The following CECR2 variants were observed in gnomAD, a reference collection of about 807,000 sequenced individuals.
The protein encoded by CECR2 is CECR2 histone acetyl-lysine reader.
In CECR2, 30 loss-of-function variants were observed where a neutral mutation model predicts 154.5. That is an observed-to-expected ratio of 0.19 (90% CI 0.15 to 0.26). CECR2 has a LOEUF of 0.26. Ranked by LOEUF, CECR2 falls within the 10% of genes least tolerant of loss-of-function variation. The pLI, the probability that CECR2 is intolerant of heterozygous loss-of-function variation, is 1.00. For missense variants in CECR2, 1,743 were observed against 1,829.3 expected, an observed-to-expected ratio of 0.95 and a Z score of 0.86; for synonymous variants, 725 against 683.7, an observed-to-expected ratio of 1.06 and a Z score of -0.94.
intron 7 of CECR2, 116 bp from the exon 8 acceptor site, chr22:17,511,697 C>T (rs534934127): frequency 2.5e-5 from 19 of 756,104 alleles, no homozygotes; most frequent in Admixed American, 2.2e-5. Flanking sequence ...GCCTTTGGCC[C>T]TAACCTGTGT....
At chr22:17,545,781 T>C (rs1479038368) in intron 16 of CECR2, among the ~76,000 whole-genome samples, 1 of 149,240 alleles carries the variant, frequency 6.7e-6, no homozygotes, top group Non-Finnish European at 1.5e-5. Context: ...AGGCTGAGGT[T>C]GCAGTGAGCC....
intron 7 of CECR2, among the ~76,000 whole-genome samples, chr22:17,511,493 T>C (rs1395704323): frequency 6.6e-6 from 1 of 150,742 alleles, no homozygotes; most frequent in Non-Finnish European, 1.5e-5. Context: ...AAAGCATGGC[T>C]TTCCCTTTGT....
chr22:17,498,119 T>A (rs952668875), intron 3 of CECR2, among the ~76,000 whole-genome samples: 13 of 152,272 alleles, frequency 8.5e-5, no homozygotes, highest in Admixed American at 1.3e-4. Flanking sequence ...GGCCGGGTGC[T>A]GTGGCTCACG....
Position 17,406,472 on chromosome 22 carries a change from G to A in CECR2, c.126+36563G>A, listed in dbSNP as rs76630927. 2.4e-3 allele frequency among the ~76,000 whole-genome samples: 369 copies of A among 152,296 alleles called. 8 individuals carry two copies. The East Asian group carries it at 0.032, about 13-fold the overall frequency. On this transcript the variant is annotated intron_variant, in intron 1 of 18. Coordinates refer to ENST00000262608, the MANE Select transcript of CECR2 (RefSeq NM_001290047.2). ...CAGGAGGCGGAGGTTGCAGTGAGTC[G>A]AGATTATACCACTGCACTCCACCCT...
intron 2 of CECR2, among the ~76,000 whole-genome samples, chr22:17,483,996 C>CTT (rs2055375406): frequency 6.6e-6 from 1 of 152,176 alleles, no homozygotes; most frequent in Non-Finnish European, 1.5e-5. Context: ...ATTACAGTGG[C>CTT]TTACAGTATT....
At chr22:17,486,559 C>T (rs1350784966) in intron 2 of CECR2, among the ~76,000 whole-genome samples, 1 of 152,158 alleles carries the variant, frequency 6.6e-6, no homozygotes, top group African/African-American at 2.4e-5. Context: ...TGGCTGGGAA[C>T]GCGGGTGGCC....
Position 17,528,958 on chromosome 22 carries a change from G to A in CECR2, c.1108+4687G>A, listed in dbSNP as rs117217477. Among the ~76,000 whole-genome samples, 15 of 152,228 alleles carry A rather than the reference G, an allele frequency of 9.9e-5. No individual in the cohort carries two copies. The East Asian group carries it at 2.3e-3, about 24-fold the overall frequency. ...CAGGTAAAGAGTGACATGGCTGGGC[G>A]TGGTGGCTCCATCTGTGGTCCCAGC... On this transcript the variant is annotated intron_variant, in intron 9 of 18. Coordinates refer to ENST00000262608, the MANE Select transcript of CECR2 (RefSeq NM_001290047.2).
rs571937642 is a variant in CECR2 at position 17,534,293 on chromosome 22, GACCCCTGT to G, written c.1109-2809_1109-2802del. 2.9e-4 allele frequency among the ~76,000 whole-genome samples: 44 copies of G among 152,120 alleles called. 1 individual carries two copies. Among genetic ancestry groups the G allele is most frequent in the Non-Finnish European group, 6.2e-4 (42 of 68,020 alleles). ...GTGACCTATGATCCCAACAGAGCGAGACCCCTGTCTCTTGGGAGAGAACAGTGGTACCA... is the reference window on the plus strand; with the variant it reads ...GTGACCTATGATCCCAACAGAGCGAGCTCTTGGGAGAGAACAGTGGTACCA... On this transcript the variant is annotated intron_variant, in intron 9 of 18. Coordinates refer to ENST00000262608, the MANE Select transcript of CECR2 (RefSeq NM_001290047.2).
chr22:17,406,910 C>T (rs17808603), intron 1 of CECR2, among the ~76,000 whole-genome samples: 4,925 of 152,102 alleles, frequency 0.032, 211 homozygotes, highest in East Asian at 0.14. Context: ...TATTCTCGTG[C>T]GAAAATGGAG....
chr22:17,507,367 A>T (rs2055866589), intron 7 of CECR2, among the ~76,000 whole-genome samples: 1 of 152,230 alleles, frequency 6.6e-6, no homozygotes, highest in Non-Finnish European at 1.5e-5. Flanking sequence ...TCAGCAATTC[A>T]CTGCAACAAT....
intron 1 of CECR2, among the ~76,000 whole-genome samples, chr22:17,402,229 C>T (rs1203524280): frequency 2.6e-5 from 4 of 152,198 alleles, no homozygotes; most frequent in Non-Finnish European, 5.9e-5. Context: ...AGGCAGTTCA[C>T]CTGCCTCGGC....
At chr22:17,518,620 A>T (rs373695987) in intron 8 of CECR2, 3 of 415,240 alleles carry the variant, frequency 7.2e-6, no homozygotes, top group South Asian at 4.0e-5. Context: ...TGGTTTCCCC[A>T]TGGGCTTGGC....
At chr22:17,375,360 C>T (rs560494892) in intron 1 of CECR2, among the ~76,000 whole-genome samples, 3 of 152,186 alleles carry the variant, frequency 2.0e-5, no homozygotes, top group Non-Finnish European at 2.9e-5. Context: ...GGTGATCCAC[C>T]TGCCTCAGCC....
At chr22:17,407,901 G>A (rs1054320934) in intron 1 of CECR2, among the ~76,000 whole-genome samples, 16 of 152,116 alleles carry the variant, frequency 1.1e-4, no homozygotes, top group Admixed American at 3.9e-4. Context: ...ATTGAGAAAC[G>A]CTGGTCTGAA....
At chr22:17,462,027 G>A (rs1309635981) in intron 1 of CECR2, among the ~76,000 whole-genome samples, 1 of 151,812 alleles carries the variant, frequency 6.6e-6, no homozygotes, top group African/African-American at 2.4e-5. Context: ...TCCTGACCTC[G>A]TGGTCCACCC....
chr22:17,443,214 G>T (rs1300461502), intron 1 of CECR2, among the ~76,000 whole-genome samples: 1 of 152,178 alleles, frequency 6.6e-6, no homozygotes, highest in Non-Finnish European at 1.5e-5. Context: ...AAGGCAGGTA[G>T]AATGTTGGGC....
At chr22:17,445,857 T>C (rs1161286743) in intron 1 of CECR2, among the ~76,000 whole-genome samples, 1 of 152,168 alleles carries the variant, frequency 6.6e-6, no homozygotes, top group African/African-American at 2.4e-5. Flanking sequence ...CCTCCCAAAG[T>C]GCTGGGACCC....
chr22:17,384,549 A>G (rs2063237150), intron 1 of CECR2, among the ~76,000 whole-genome samples: 1 of 152,202 alleles, frequency 6.6e-6, no homozygotes, highest in South Asian at 2.1e-4. Flanking sequence ...GTTAGCAGTA[A>G]TATTTTGAAA....
At chr22:17,477,023 G>T (rs2055218900) in intron 1 of CECR2, 1 of 684,976 alleles carries the variant, frequency 1.5e-6, no homozygotes, top group South Asian at 1.6e-5. Context: ...ATTAGCCTTG[G>T]ATCTCGCAAT....
Sources: allele counts gnomAD v4.1 joint callset (sites outside exome capture counted in the v4.1 genomes callset), GRCh38; gene constraint gnomAD v4.1.1; transcripts MANE v1.5; gene names NCBI Gene and HGNC (gene_info 2026-07-23, HGNC 2026-07-21).